The following KCNIP4 variants were observed in gnomAD, a reference collection of about 807,000 sequenced individuals.
KCNIP4 encodes Kv channel-interacting protein 4.
Under a neutral mutation model 34.0 loss-of-function variants are expected in KCNIP4, and 12 were observed. That is an observed-to-expected ratio of 0.35 (90% CI 0.23 to 0.57). KCNIP4 has a LOEUF of 0.57. KCNIP4 is among the 20% of genes least tolerant of loss of function. KCNIP4 has a pLI of 0.83. For missense variants in KCNIP4, 238 were observed against 311.7 expected, an observed-to-expected ratio of 0.76 and a Z score of 1.78; for synonymous variants, 124 against 102.2, an observed-to-expected ratio of 1.21 and a Z score of -1.29.
chr4:21,626,751 A>G lies in KCNIP4; in HGVS notation c.61+321820T>C, dbSNP rs1440301961. Among the ~76,000 whole-genome samples the G allele has an allele frequency of 2.0e-5, 3 of 152,088 alleles. No individual in the cohort carries two copies. In the East Asian group the frequency reaches 5.8e-4, roughly 29 times the overall value. On this transcript the variant is annotated intron_variant, in intron 1 of 8. Transcript: ENST00000382152. ...ATGTCCAATCCCTAAAGGAACTAGT[A>G]TGTAAATAATGGGAGTCATATGGGT...
At chr4:20,785,584 G>T (rs1191178261) in intron 3 of KCNIP4, among the ~76,000 whole-genome samples, 1 of 151,990 alleles carries the variant, frequency 6.6e-6, no homozygotes, top group African/African-American at 2.4e-5. Flanking sequence ...CTGGTTCTAA[G>T]ATCAGTGATG....
Position 21,522,247 on chromosome 4 carries a change from G to T in KCNIP4, c.61+426324C>A, listed in dbSNP as rs371537441. Among the ~76,000 whole-genome samples, 237 of 152,144 alleles carry T rather than the reference G, an allele frequency of 1.6e-3. 10 individuals carry two copies. The South Asian group carries it at 0.042, about 27-fold the overall frequency. On this transcript the variant is annotated intron_variant, in intron 1 of 8. Transcript: ENST00000382152. ...CAGAGACTCCAGGAAAAAAAAAATTGCAGGCACCACATTTTTTAACCTCTT... is the reference window on the plus strand; with the variant it reads ...CAGAGACTCCAGGAAAAAAAAAATTTCAGGCACCACATTTTTTAACCTCTT...
intron 1 of KCNIP4, among the ~76,000 whole-genome samples, chr4:21,113,736 A>G (rs906249160): frequency 3.9e-5 from 6 of 152,226 alleles, no homozygotes; most frequent in African/African-American, 1.4e-4. Flanking sequence ...GGAATATTTG[A>G]ACAGATAACA....
At chr4:21,882,501 C>A (rs1160530904) in intron 1 of KCNIP4, among the ~76,000 whole-genome samples, 1 of 152,006 alleles carries the variant, frequency 6.6e-6, no homozygotes, top group African/African-American at 2.4e-5. Flanking sequence ...GAAAAATATG[C>A]ATTTCAAGGA....
chr4:21,935,392 G>T (rs79114680), intron 1 of KCNIP4, among the ~76,000 whole-genome samples: 1 of 151,920 alleles, frequency 6.6e-6, no homozygotes, highest in African/African-American at 2.4e-5. Flanking sequence ...TAAAATCCAC[G>T]TTTCTTAGAC....
intron 1 of KCNIP4, among the ~76,000 whole-genome samples, chr4:20,931,385 A>G (rs1730453543): frequency 1.3e-5 from 2 of 152,140 alleles, no homozygotes; most frequent in African/African-American, 4.8e-5. Flanking sequence ...AAAACGCAAC[A>G]TCATTTGCTG....
At chr4:20,851,082 C>A (rs1844810) in intron 2 of KCNIP4, among the ~76,000 whole-genome samples, 51,531 of 151,904 alleles carry the variant, frequency 0.34, 10,102 homozygotes, top group Admixed American at 0.45. Context: ...GCAGGATGTG[C>A]AGGTTTGTTA....
At chr4:21,110,648 C>G (rs28390301) in intron 1 of KCNIP4, among the ~76,000 whole-genome samples, 44,274 of 152,012 alleles carry the variant, frequency 0.29, 7,111 homozygotes, top group African/African-American at 0.44. Context: ...TTTGTTAAAA[C>G]CTAATCCCTA....
intron 1 of KCNIP4, among the ~76,000 whole-genome samples, chr4:21,246,921 A>G (rs1325870488): frequency 1.3e-5 from 2 of 152,234 alleles, no homozygotes; most frequent in African/African-American, 4.8e-5. Context: ...TGAAAATATA[A>G]TAAGTAATTT....
intron 3 of KCNIP4, among the ~76,000 whole-genome samples, chr4:20,775,153 A>G (rs751273836): frequency 1.3e-4 from 20 of 152,218 alleles, no homozygotes; most frequent in Non-Finnish European, 2.6e-4. Context: ...TTGCCTTTAT[A>G]GAATCTCTCC....
chr4:21,341,389 G>A (rs566611364), intron 1 of KCNIP4, among the ~76,000 whole-genome samples: 1 of 152,150 alleles, frequency 6.6e-6, no homozygotes, highest in Admixed American at 6.6e-5. Context: ...ACCACTTAAG[G>A]TGATACCATC....
intron 2 of KCNIP4, among the ~76,000 whole-genome samples, chr4:20,882,181 TC>T (rs1405223368): frequency 6.6e-6 from 1 of 152,188 alleles, no homozygotes; most frequent in Admixed American, 6.5e-5. Context: ...CACTTTGTAA[TC>T]TTTTTTCTAA....
intron 1 of KCNIP4, among the ~76,000 whole-genome samples, chr4:21,035,980 C>G (rs1741411226): frequency 6.6e-6 from 1 of 152,154 alleles, no homozygotes; most frequent in Non-Finnish European, 1.5e-5. Context: ...ACAACAAAAT[C>G]CAGAGCATAA....
chr4:21,452,773 A>C (rs1243842604), intron 1 of KCNIP4, among the ~76,000 whole-genome samples: 3 of 149,030 alleles, frequency 2.0e-5, no homozygotes, highest in Non-Finnish European at 4.5e-5. Flanking sequence ...CTATCTCTGA[A>C]AAAAAAAAAA....
chr4:21,913,879 A>T (rs924309591), intron 1 of KCNIP4, among the ~76,000 whole-genome samples: 1 of 152,094 alleles, frequency 6.6e-6, no homozygotes, highest in Non-Finnish European at 1.5e-5. Context: ...GAGAAGAGAA[A>T]ACACTTGAGC....
At chr4:21,234,024 T>C (rs193086765) in intron 1 of KCNIP4, among the ~76,000 whole-genome samples, 6 of 96,572 alleles carry the variant, frequency 6.2e-5, no homozygotes, top group Admixed American at 3.4e-4. Context: ...TAACATATAT[T>C]ATATATAACA....
intron 1 of KCNIP4, among the ~76,000 whole-genome samples, chr4:21,369,144 G>T (rs1295355049): frequency 6.8e-6 from 1 of 146,726 alleles, no homozygotes; most frequent in Non-Finnish European, 1.5e-5. Flanking sequence ...CTCCTAAAAT[G>T]GAAAAATAAT....
intron 1 of KCNIP4, among the ~76,000 whole-genome samples, chr4:21,944,795 C>A (rs1389733110): frequency 2.0e-5 from 3 of 152,142 alleles, no homozygotes; most frequent in Non-Finnish European, 2.9e-5. Context: ...CCAGTGAGTT[C>A]AGGACGACAC....
intron 1 of KCNIP4, among the ~76,000 whole-genome samples, chr4:21,426,387 A>G (rs973075188): frequency 2.6e-5 from 4 of 152,226 alleles, no homozygotes; most frequent in African/African-American, 9.6e-5. Context: ...CTTAAAATAT[A>G]TACATAACAA....
Sources: allele counts gnomAD v4.1 joint callset (sites outside exome capture counted in the v4.1 genomes callset), GRCh38; gene constraint gnomAD v4.1.1; transcripts MANE v1.5; gene names NCBI Gene and HGNC (gene_info 2026-07-23, HGNC 2026-07-21).